Variants in WWOX observed in about 807,000 individuals in gnomAD.
WWOX encodes the protein WW domain-containing oxidoreductase.
Under a neutral mutation model 46.2 loss-of-function variants are expected in WWOX, and 69 were observed. The ratio of observed to expected loss-of-function variants is 1.49; its 90% CI spans 1.23 to 1.82. The LOEUF (loss-of-function observed/expected upper bound fraction) is 1.82. WWOX is among the 40% of genes most tolerant of loss of function. The pLI, the probability that WWOX is intolerant of heterozygous loss-of-function variation, is 0.00. For synonymous variants in WWOX, 359 were observed against 202.6 expected (o/e 1.77, Z -6.56); for missense variants, 919 against 542.6 (o/e 1.69, Z -6.89).
intron 8 of WWOX, among the ~76,000 whole-genome samples, chr16:78,962,087 G>A (rs1433255870): frequency 1.3e-5 from 2 of 151,980 alleles, no homozygotes; most frequent in Non-Finnish European, 2.9e-5. Context: ...AAGGAGCTTT[G>A]GAAAGGGACA....
chr16:78,779,197 T>G (rs2050265649), intron 8 of WWOX, among the ~76,000 whole-genome samples: 1 of 152,150 alleles, frequency 6.6e-6, no homozygotes. Context: ...CAGGCTGGAG[T>G]GCAGTGGCAT....
chr16:78,377,878 C>T (rs1269025492), intron 5 of WWOX, among the ~76,000 whole-genome samples: 2 of 152,064 alleles, frequency 1.3e-5, no homozygotes, highest in Admixed American at 6.6e-5. Context: ...TAGATATTGA[C>T]ACGGTTATTT....
chr16:78,800,777 T>G (rs973370380), intron 8 of WWOX, among the ~76,000 whole-genome samples: 2 of 152,156 alleles, frequency 1.3e-5, no homozygotes, highest in South Asian at 4.1e-4. Flanking sequence ...TCTGGGTCTG[T>G]GTCAGGCATG....
chr16:78,482,096 A>G (rs1384117583), intron 8 of WWOX, among the ~76,000 whole-genome samples: 4 of 152,136 alleles, frequency 2.6e-5, no homozygotes, highest in African/African-American at 9.7e-5. Context: ...GAATAGGTGG[A>G]TATTATACAT....
chr16:78,853,467 T>C (rs1329385309), intron 8 of WWOX, among the ~76,000 whole-genome samples: 1 of 152,180 alleles, frequency 6.6e-6, no homozygotes, highest in African/African-American at 2.4e-5. Context: ...ATTTATTTAG[T>C]TATTGATCAT....
At chr16:78,550,027 A>C (rs1702948715) in intron 8 of WWOX, among the ~76,000 whole-genome samples, 1 of 152,224 alleles carries the variant, frequency 6.6e-6, no homozygotes, top group African/African-American at 2.4e-5. Flanking sequence ...CACGCAATAC[A>C]CATTCAATAA....
In WWOX at chr16:79,211,949, T is replaced by A. The variant is rs1275208509; in HGVS notation, c.*153T>A. Reference sequence around the variant, plus strand: ...TCACAACAGAGTGAAAAATCTTAAGTACCAATGGGAAGCAGGGAATTCCTG... The same window carrying A: ...TCACAACAGAGTGAAAAATCTTAAGAACCAATGGGAAGCAGGGAATTCCTG... On this transcript the variant is annotated 3_prime_UTR_variant, in exon 9 of 9. Transcript: ENST00000566780. The A allele has an allele frequency of 6.5e-7, 1 of 1,536,718 alleles. No individual in the cohort carries two copies. Among genetic ancestry groups the A allele is most frequent in the African/African-American group, 1.4e-5 (1 of 73,004 alleles).
intron 8 of WWOX, among the ~76,000 whole-genome samples, chr16:79,020,241 A>G (rs1334003220): frequency 6.6e-6 from 1 of 152,248 alleles, no homozygotes; most frequent in African/African-American, 2.4e-5. Flanking sequence ...GGATGCTGCA[A>G]GGCGCAGTGC....
intron 8 of WWOX, among the ~76,000 whole-genome samples, chr16:79,125,072 T>C (rs2049722580): frequency 6.6e-6 from 1 of 151,342 alleles, no homozygotes; most frequent in Admixed American, 6.6e-5. Flanking sequence ...TAGGGATAAA[T>C]TTCTCCCAAA....
intron 8 of WWOX, among the ~76,000 whole-genome samples, chr16:78,860,667 C>T (rs372523037): frequency 6.6e-5 from 10 of 152,252 alleles, no homozygotes; most frequent in South Asian, 2.1e-4. Context: ...AATGATAATG[C>T]GTGAAAAAGA....
At chr16:79,120,117 C>G (rs1002427727) in intron 8 of WWOX, among the ~76,000 whole-genome samples, 74 of 152,304 alleles carry the variant, frequency 4.9e-4, no homozygotes, top group African/African-American at 1.2e-3. Context: ...CGTTAATGAC[C>G]TCCACCTGGC....
chr16:78,424,154 G>C (rs920481663), intron 6 of WWOX, among the ~76,000 whole-genome samples: 1 of 114,030 alleles, frequency 8.8e-6, no homozygotes, highest in African/African-American at 3.5e-5. Context: ...GTCTTGCTCT[G>C]TTGGTCAGGC....
chr16:78,371,326 C>T (rs559106424), intron 5 of WWOX, among the ~76,000 whole-genome samples: 2 of 152,294 alleles, frequency 1.3e-5, no homozygotes, highest in African/African-American at 4.8e-5. Flanking sequence ...AGTTTAACTG[C>T]CTCACAGTAA....
At chr16:78,253,633 T>G (rs1479198376) in intron 5 of WWOX, among the ~76,000 whole-genome samples, 3 of 152,242 alleles carry the variant, frequency 2.0e-5, no homozygotes, top group Non-Finnish European at 2.9e-5. Context: ...GTTTAATGGT[T>G]GATTCAAATG....
chr16:78,109,139 A>G (rs1031516962), intron 2 of WWOX, among the ~76,000 whole-genome samples: 5 of 152,180 alleles, frequency 3.3e-5, no homozygotes, highest in African/African-American at 1.2e-4. Flanking sequence ...AATTTCGTAA[A>G]GATTACCATG....
At chr16:78,791,859 G>A (rs184423165) in intron 8 of WWOX, among the ~76,000 whole-genome samples, 32 of 152,214 alleles carry the variant, frequency 2.1e-4, no homozygotes, top group African/African-American at 7.5e-4. Context: ...CAGCCTGGGC[G>A]ACAGTGAAAC....
chr16:78,395,259 C>CTGTTA (rs1423485633), intron 6 of WWOX, among the ~76,000 whole-genome samples: 1 of 152,190 alleles, frequency 6.6e-6, no homozygotes, highest in African/African-American at 2.4e-5. Context: ...TGTCTCATGC[C>CTGTTA]TGTTATCCCA....
chr16:78,887,428 A>C lies in WWOX; in HGVS notation c.1057-324180A>C, dbSNP rs77724267. Among the ~76,000 whole-genome samples the C allele has an allele frequency of 8.1e-3, 1,219 of 150,302 alleles. 20 individuals carry two copies. Among genetic ancestry groups the C allele is most frequent in the African/African-American group, 0.028 (1,131 of 40,846 alleles). ...TGTTTGATATTTACACAAATTATGA[A>C]AGTAAGGTGGGAAGGCAATGAAGGC... On this transcript the variant is annotated intron_variant, in intron 8 of 8. Coordinates refer to ENST00000566780, the MANE Select transcript of WWOX (RefSeq NM_016373.4).
intron 5 of WWOX, among the ~76,000 whole-genome samples, chr16:78,328,832 T>TTCTTTTCTTTTC (rs59414488): frequency 0.014 from 2,083 of 150,482 alleles, 36 homozygotes; most frequent in African/African-American, 0.045. Context: ...GTGTTTTTCT[T>TTCTTTTCTTTTC]TTTTCTTTTC....
Sources: gnomAD v4.1 joint callset for allele counts (sites outside exome capture counted in the v4.1 genomes callset) on GRCh38, gnomAD v4.1.1 for gene constraint, MANE v1.5 for transcripts, NCBI Gene and HGNC (gene_info 2026-07-23, HGNC 2026-07-21) for gene names.